The following FILIP1 variants were observed in gnomAD, a reference collection of about 807,000 sequenced individuals.
The protein encoded by FILIP1 is filamin A interacting protein 1.
A neutral mutation model predicts 102.1 loss-of-function variants in FILIP1; 61 were observed. The ratio of observed to expected loss-of-function variants is 0.60; its 90% CI spans 0.49 to 0.74. FILIP1 has a LOEUF of 0.74. Ranked by LOEUF, FILIP1 falls within the 30% of genes least tolerant of loss-of-function variation. FILIP1 has a pLI of 0.00. For synonymous variants in FILIP1, 491 were observed against 526.9 expected (o/e 0.93, Z 0.93); for missense variants, 1,314 against 1,441.2 (o/e 0.91, Z 1.43).
chr6:75,411,922 A>C (rs776286441), intron 2 of FILIP1, among the ~76,000 whole-genome samples: 3 of 152,020 alleles, frequency 2.0e-5, no homozygotes, highest in Non-Finnish European at 4.4e-5. Flanking sequence ...TCCATATGGA[A>C]TTTAGAGTAG....
intron 4 of FILIP1, among the ~76,000 whole-genome samples, chr6:75,318,862 A>C (rs1392960988): frequency 1.3e-5 from 2 of 152,140 alleles, no homozygotes; most frequent in African/African-American, 4.8e-5. Flanking sequence ...AGGACTATCT[A>C]AAGACACACT....
intron 2 of FILIP1, among the ~76,000 whole-genome samples, chr6:75,364,624 TA>T (rs1264173455): frequency 6.6e-6 from 1 of 152,188 alleles, no homozygotes; most frequent in Admixed American, 6.5e-5. Context: ...TGAGGAACTC[TA>T]AAAAATCCCA....
At chr6:75,348,415 A>G (rs1354329387) in intron 4 of FILIP1, among the ~76,000 whole-genome samples, 2 of 152,236 alleles carry the variant, frequency 1.3e-5, no homozygotes, top group African/African-American at 4.8e-5. Flanking sequence ...AAGCCAAAAC[A>G]TTTTAAAATG....
chr6:75,366,319 A>T (rs1775332535), intron 2 of FILIP1, among the ~76,000 whole-genome samples: 1 of 152,228 alleles, frequency 6.6e-6, no homozygotes, highest in Admixed American at 6.5e-5. Flanking sequence ...TGACAGCATC[A>T]GTTGTACTGC....
intron 1 of FILIP1, among the ~76,000 whole-genome samples, chr6:75,487,696 C>A (rs1251385615): frequency 1.3e-5 from 2 of 151,688 alleles, no homozygotes; most frequent in Non-Finnish European, 2.9e-5. Context: ...AATCTTCAGC[C>A]AATTATTTTT....
intron 1 of FILIP1, among the ~76,000 whole-genome samples, chr6:75,460,805 C>CA (rs368672372): frequency 6.6e-6 from 1 of 152,050 alleles, no homozygotes; most frequent in South Asian, 2.1e-4. Flanking sequence ...CTGAGTGTTA[C>CA]AAAAAAATGT....
chr6:75,324,697 G>A (rs1042642667), intron 4 of FILIP1, among the ~76,000 whole-genome samples: 8 of 152,140 alleles, frequency 5.3e-5, no homozygotes, highest in African/African-American at 1.9e-4. Flanking sequence ...ATGCTAGAAG[G>A]CCATATTCAC....
chr6:75,308,613 G>T lies in FILIP1; in HGVS notation c.*78C>A. On this transcript the variant is annotated 3_prime_UTR_variant, in exon 6 of 6. Coordinates refer to ENST00000237172, the MANE Select transcript of FILIP1 (RefSeq NM_015687.5). ...TAAAACTTAAATTAGTACATGTAAAGAACTGGCACAAACAGATGAAGGTTC... is the reference window on the plus strand; with the variant it reads ...TAAAACTTAAATTAGTACATGTAAATAACTGGCACAAACAGATGAAGGTTC... 2 of 1,584,632 alleles carry T rather than the reference G, an allele frequency of 1.3e-6. No homozygotes were observed. Among genetic ancestry groups the T allele is most frequent in the Non-Finnish European group, 1.7e-6 (2 of 1,165,172 alleles).
intron 2 of FILIP1, among the ~76,000 whole-genome samples, chr6:75,365,785 A>G (rs1775308786): frequency 6.6e-6 from 1 of 152,232 alleles, no homozygotes. Context: ...AGAGAAACAA[A>G]GTAGTACCTT....
chr6:75,316,029 C>G (rs1046954627), intron 4 of FILIP1, among the ~76,000 whole-genome samples: 1 of 152,054 alleles, frequency 6.6e-6, no homozygotes, highest in Non-Finnish European at 1.5e-5. Context: ...CTTTTTTAAT[C>G]AAGAACTAGA....
intron 2 of FILIP1, among the ~76,000 whole-genome samples, chr6:75,383,539 G>A (rs984615669): frequency 1.3e-5 from 2 of 152,076 alleles, no homozygotes; most frequent in Non-Finnish European, 2.9e-5. Flanking sequence ...AAAATGAAAC[G>A]TATATGCTAC....
In FILIP1 at chr6:75,313,334, T is replaced by C. The variant is rs2149548429; in HGVS notation, c.2498A>G (p.His833Arg). Reference protein sequence around the residue: ...FIRKSFQEENHIMSNLRQVGL... With the variant: ...FIRKSFQEENRIMSNLRQVGL... ...CACCTGCCGAAGATTACTCATAATA[T>C]GATTTTCTTCCTGGAAGGATTTCCG... The change falls in exon 5 of 6, where the codon CAT becomes CGT. Residue 833 changes from histidine to arginine, a missense_variant. His to Arg is a conservative substitution (Grantham distance 29). This residue lies in a region of FILIP1 where 816 missense variants were observed against 913.1 expected (regional missense o/e 0.89). Coordinates refer to ENST00000237172, the MANE Select transcript of FILIP1 (RefSeq NM_015687.5). This position sits in a 1 kb window ranked among gnomAD's most constrained non-coding sequence, Gnocchi z 4.2. 1 of 1,614,240 alleles carries C rather than the reference T, an allele frequency of 6.2e-7. No homozygotes were observed. The highest frequency in any genetic ancestry group is 8.5e-7 in the Non-Finnish European group (1 of 1,180,044).
At position 75,308,821 on chromosome 6, in the gene FILIP1, G is replaced by A. The variant is rs776219952; in HGVS notation, c.3512C>T (p.Pro1171Leu). ...TCCTGCTCCTGGGGCTGCCACTACT[G>A]GCTTTCCTGCTTTCATACCTTTTGA... ...PMSKGMKAGK[P>L]VVAAPGAGNL... The change falls in exon 6 of 6, where the codon CCA becomes CTA. Residue 1171 changes from proline (P) to leucine (L), a missense_variant. Coordinates refer to ENST00000237172, the MANE Select transcript of FILIP1 (RefSeq NM_015687.5). 1.2e-6 allele frequency: 2 copies of A among 1,614,088 alleles called. No homozygotes were observed. The highest frequency in any genetic ancestry group is 1.7e-5 in the Admixed American group (1 of 60,018).
intron 2 of FILIP1, among the ~76,000 whole-genome samples, chr6:75,402,176 A>G (rs576560571): frequency 1.3e-5 from 2 of 152,306 alleles, no homozygotes; most frequent in Non-Finnish European, 2.9e-5. Flanking sequence ...TCACTGCAGG[A>G]AAGCCAACTT....
chr6:75,408,560 T>C lies in FILIP1; in HGVS notation c.276+6137A>G, dbSNP rs367725275. Among the ~76,000 whole-genome samples, 7 of 152,298 alleles carry C rather than the reference T, an allele frequency of 4.6e-5. No individual in the cohort carries two copies. The South Asian group carries it at 1.4e-3, about 32-fold the overall frequency. The stretch of plus-strand genomic sequence containing the variant: ...TAGATCACTTAACAGTTACCAAAAG[T>C]GGCAGGGCACTGGTGTACCAGAAAA... On this transcript the variant is annotated intron_variant, in intron 2 of 5. Coordinates refer to ENST00000237172, the MANE Select transcript of FILIP1 (RefSeq NM_015687.5).
chr6:75,308,585 AT>A lies in FILIP1; in HGVS notation c.*105del. 6.5e-7 allele frequency: 1 copy of A among 1,531,468 alleles called. No individual in the cohort carries two copies. Among genetic ancestry groups the A allele is most frequent in the Non-Finnish European group, 8.7e-7 (1 of 1,143,828 alleles). 94.9% of individuals were successfully genotyped at this position (1,531,468 alleles called of 1,614,324 possible). On this transcript the variant is annotated 3_prime_UTR_variant, in exon 6 of 6. Transcript: ENST00000237172. The stretch of plus-strand genomic sequence containing the variant: ...TAGTTGGTTATTTTATAAACACAAT[AT>A]TTAAAACTTAAATTAGTACATGTAA...
chr6:75,353,341 C>A (rs1482954353), intron 4 of FILIP1, among the ~76,000 whole-genome samples, 198 bp downstream of exon 4: 1 of 152,200 alleles, frequency 6.6e-6, no homozygotes, highest in Non-Finnish European at 1.5e-5. Context: ...CTATATGCAA[C>A]CCCCAAAACA....
chr6:75,415,638 A>G (rs970798684), intron 1 of FILIP1, among the ~76,000 whole-genome samples: 2 of 151,744 alleles, frequency 1.3e-5, no homozygotes, highest in African/African-American at 2.4e-5. Flanking sequence ...TTTTAGTGAT[A>G]TGCGATTCTA....
chr6:75,368,208 ACAAGGG>A (rs1014784559), intron 2 of FILIP1, among the ~76,000 whole-genome samples: 2 of 152,206 alleles, frequency 1.3e-5, no homozygotes, highest in African/African-American at 4.8e-5. Context: ...ACCAGGTGGA[ACAAGGG>A]GTTTCTCAGC....
Sources: gnomAD v4.1 joint callset for allele counts (sites outside exome capture counted in the v4.1 genomes callset) on GRCh38, gnomAD v4.1.1 for gene constraint, gnomAD v4.1.1 regional missense constraint, Gnocchi (gnomAD v3.1) non-coding constraint, MANE v1.5 for transcripts, NCBI Gene and HGNC (gene_info 2026-07-23, HGNC 2026-07-21) for gene names.